Variants in CTNNA3 observed in about 807,000 individuals in gnomAD.
CTNNA3 encodes catenin alpha 3.
CTNNA3 carries 76 observed loss-of-function variants against 95.7 expected under a neutral mutation model. The ratio of observed to expected loss-of-function variants is 0.79; its 90% CI spans 0.66 to 0.96. CTNNA3 has a LOEUF of 0.96. CTNNA3 is among the 40% of genes least tolerant of loss of function. CTNNA3 has a pLI of 0.00. For missense variants in CTNNA3, 1,191 were observed against 1,089.8 expected (o/e 1.09, Z -1.31); for synonymous variants, 431 against 374.4 (o/e 1.15, Z -1.74).
intron 4 of CTNNA3, among the ~76,000 whole-genome samples, chr10:67,524,731 G>A (rs907960246): frequency 1.3e-5 from 2 of 152,006 alleles, no homozygotes; most frequent in Non-Finnish European, 2.9e-5. Context: ...TATAGCTCTG[G>A]CTTAGCTCCC....
At chr10:67,401,530 G>T (rs959868553) in intron 5 of CTNNA3, among the ~76,000 whole-genome samples, 2 of 152,126 alleles carry the variant, frequency 1.3e-5, no homozygotes, top group Non-Finnish European at 2.9e-5. Context: ...AGGTACCTGG[G>T]GAAGGGGATT....
chr10:66,609,652 G>A (rs1844258604), intron 10 of CTNNA3, among the ~76,000 whole-genome samples: 1 of 151,958 alleles, frequency 6.6e-6, no homozygotes, highest in African/African-American at 2.4e-5. Flanking sequence ...CTGTTGGTGG[G>A]AGTGTAAATT....
intron 5 of CTNNA3, among the ~76,000 whole-genome samples, chr10:67,222,188 G>C (rs1864693267): frequency 6.6e-6 from 1 of 152,138 alleles, no homozygotes; most frequent in Non-Finnish European, 1.5e-5. Flanking sequence ...ACTTCACTCA[G>C]GCTTTGGAGA....
chr10:66,258,028 G>A (rs748379996), intron 13 of CTNNA3, among the ~76,000 whole-genome samples: 4 of 152,012 alleles, frequency 2.6e-5, no homozygotes, highest in Non-Finnish European at 4.4e-5. Context: ...CCAGGGAATG[G>A]CAAAACACTT....
intron 7 of CTNNA3, among the ~76,000 whole-genome samples, chr10:67,107,887 C>T (rs1332218951): frequency 6.6e-6 from 1 of 152,238 alleles, no homozygotes; most frequent in African/African-American, 2.4e-5. Flanking sequence ...GGGATTCAAG[C>T]GGCCAAGCAG....
chr10:66,125,374 A>C (rs2082773635), intron 13 of CTNNA3, among the ~76,000 whole-genome samples: 1 of 152,168 alleles, frequency 6.6e-6, no homozygotes, highest in Admixed American at 6.5e-5. Context: ...TGACCCTACT[A>C]CCCAGAAAGC....
At chr10:67,069,928 C>G (rs1445181683) in intron 7 of CTNNA3, among the ~76,000 whole-genome samples, 2 of 152,100 alleles carry the variant, frequency 1.3e-5, no homozygotes, top group Non-Finnish European at 2.9e-5. Flanking sequence ...GCATGTATAT[C>G]TAGAAGTAGA....
At chr10:67,738,006 G>C (rs1841312722) in intron 1 of CTNNA3, among the ~76,000 whole-genome samples, 1 of 152,196 alleles carries the variant, frequency 6.6e-6, no homozygotes, top group Non-Finnish European at 1.5e-5. Context: ...GTAGGAGCAG[G>C]CTGCTATCTT....
intron 13 of CTNNA3, among the ~76,000 whole-genome samples, chr10:66,132,375 G>A (rs1417038782): frequency 6.6e-6 from 1 of 152,054 alleles, no homozygotes; most frequent in Non-Finnish European, 1.5e-5. Flanking sequence ...CAGTCAAAAT[G>A]GCTATTAATA....
Position 67,433,940 on chromosome 10 carries a change from A to T in CTNNA3, c.579+87902T>A, listed in dbSNP as rs532425529. Reference sequence around the variant, plus strand: ...GTACTAGGCAGTCAGAACTGCCTGGATTTCTTGAACTTCCCTCTCCAACAC... The same window carrying T: ...GTACTAGGCAGTCAGAACTGCCTGGTTTTCTTGAACTTCCCTCTCCAACAC... On this transcript the variant is annotated intron_variant, in intron 5 of 17. Coordinates refer to ENST00000433211, the MANE Select transcript of CTNNA3 (RefSeq NM_013266.4). Among the ~76,000 whole-genome samples the T allele has an allele frequency of 1.6e-4, 24 of 152,144 alleles. No homozygotes were observed. The East Asian group carries it at 2.1e-3, about 13-fold the overall frequency.
intron 11 of CTNNA3, among the ~76,000 whole-genome samples, chr10:66,408,760 G>T (rs1016617110): frequency 1.9e-4 from 29 of 152,256 alleles, no homozygotes; most frequent in African/African-American, 6.7e-4. Flanking sequence ...GATGTCTAAT[G>T]AGTACATTAA....
At chr10:66,879,844 G>A (rs1251170389) in intron 7 of CTNNA3, among the ~76,000 whole-genome samples, 1 of 152,060 alleles carries the variant, frequency 6.6e-6, no homozygotes, top group African/African-American at 2.4e-5. Context: ...AATTGAAGTT[G>A]AGTGTTCATG....
intron 9 of CTNNA3, among the ~76,000 whole-genome samples, chr10:66,757,110 C>T (rs965605976): frequency 7.9e-5 from 12 of 152,032 alleles, no homozygotes; most frequent in Admixed American, 3.3e-4. Flanking sequence ...TGACTGGGGA[C>T]GAGTAGAGGC....
At chr10:66,052,909 AT>A (rs939282679) in intron 15 of CTNNA3, among the ~76,000 whole-genome samples, 3 of 151,996 alleles carry the variant, frequency 2.0e-5, no homozygotes, top group Non-Finnish European at 4.4e-5. Flanking sequence ...AGGTATTACA[AT>A]TTTTTTTGGA....
At chr10:66,586,411 T>A (rs1031757810) in intron 10 of CTNNA3, among the ~76,000 whole-genome samples, 2 of 152,100 alleles carry the variant, frequency 1.3e-5, no homozygotes, top group African/African-American at 4.8e-5. Flanking sequence ...CCACCCCAGC[T>A]CTCCTTCCAG....
chr10:66,069,178 A>G, intron 15 of CTNNA3, 130 bp downstream of exon 15: 1 of 794,806 alleles, frequency 1.3e-6, no homozygotes, highest in South Asian at 1.6e-5. Context: ...ACAACTTTCT[A>G]ATACTATATT....
chr10:66,887,804 C>T (rs1845101361), intron 7 of CTNNA3, among the ~76,000 whole-genome samples: 1 of 151,962 alleles, frequency 6.6e-6, no homozygotes, highest in Non-Finnish European at 1.5e-5. Flanking sequence ...GGAGGAAGGC[C>T]CAGGAAATGC....
intron 13 of CTNNA3, among the ~76,000 whole-genome samples, chr10:66,273,948 G>A (rs950403762): frequency 6.6e-6 from 1 of 151,642 alleles, no homozygotes; most frequent in Non-Finnish European, 1.5e-5. Context: ...GTAGCTCCAG[G>A]AACCTCGAAG....
chr10:66,418,556 G>GACACACACACACAC (rs57694585), intron 11 of CTNNA3, among the ~76,000 whole-genome samples: 1,525 of 144,420 alleles, frequency 0.011, 23 homozygotes, highest in South Asian at 0.046. Flanking sequence ...AGCACACAGG[G>GACACACACACACAC]ACACACACAC....
Sources: gnomAD v4.1 joint callset for allele counts (sites outside exome capture counted in the v4.1 genomes callset) on GRCh38, gnomAD v4.1.1 for gene constraint, MANE v1.5 for transcripts, NCBI Gene and HGNC (gene_info 2026-07-23, HGNC 2026-07-21) for gene names.